CEP63: variants seen among roughly 807,000 people sequenced by gnomAD.
CEP63 encodes the protein centrosomal protein of 63 kDa.
Under a neutral mutation model 89.1 loss-of-function variants are expected in CEP63, and 84 were observed. That is an observed-to-expected ratio of 0.94 (90% CI 0.79 to 1.13). The LOEUF is 1.13. Among genes scored for constraint, CEP63 ranks in the 50% most tolerant of loss-of-function variants. CEP63 has a pLI of 0.00. For missense variants in CEP63, 838 were observed against 813.3 expected (o/e 1.03, Z -0.37); for synonymous variants, 267 against 272.5 (o/e 0.98, Z 0.20).
intron 6 of CEP63, among the ~76,000 whole-genome samples, chr3:134,544,633 A>G (rs1160069095): frequency 3.9e-5 from 3 of 76,118 alleles, no homozygotes; most frequent in East Asian, 6.7e-4. Flanking sequence ...AACATGCTCT[A>G]GGTGGGGGGG....
the CEP63 span, among the ~76,000 whole-genome samples, chr3:134,680,262 T>C: frequency 2.4e-4 from 36 of 152,336 alleles, 1 homozygote; most frequent in African/African-American, 7.9e-4. Context: ...AGCAAACTCA[T>C]ACACACATAC....
the CEP63 span, among the ~76,000 whole-genome samples, chr3:134,625,681 G>A: frequency 1.3e-5 from 2 of 152,254 alleles, no homozygotes; most frequent in African/African-American, 4.8e-5. Context: ...AGGGCGAGGT[G>A]CGTTTGGCAC....
downstream of CEP63, among the ~76,000 whole-genome samples, chr3:134,568,776 A>G (rs1381831130): frequency 6.6e-6 from 1 of 152,232 alleles, no homozygotes; most frequent in Non-Finnish European, 1.5e-5. Flanking sequence ...CATTCCTTAA[A>G]TCCACATTTC....
intron 6 of CEP63, among the ~76,000 whole-genome samples, chr3:134,541,942 T>C (rs930585167): frequency 1.3e-5 from 2 of 152,160 alleles, no homozygotes; most frequent in African/African-American, 2.4e-5. Context: ...TTATATAGTA[T>C]AGGAAAAGGA....
the CEP63 span, among the ~76,000 whole-genome samples, chr3:134,692,632 A>G: frequency 1.3e-5 from 2 of 152,358 alleles, no homozygotes; most frequent in South Asian, 4.1e-4. Flanking sequence ...AAGTAGTCTA[A>G]CATCACAGGT....
the CEP63 span, among the ~76,000 whole-genome samples, chr3:134,595,998 G>A: frequency 4.0e-4 from 51 of 127,756 alleles, no homozygotes; most frequent in African/African-American, 1.4e-3. Context: ...GCTCTTTCCC[G>A]AGAAAACAGG....
At chr3:134,627,674 G>C in the CEP63 span, 5 of 1,269,636 alleles carry the variant, frequency 3.9e-6, no homozygotes, top group Non-Finnish European at 5.7e-6. Flanking sequence ...GGCCCAGGAA[G>C]CAACTGTCAA....
Position 134,486,092 on chromosome 3 carries a change from G to C in CEP63, c.-136G>C. 1 of 985,500 alleles carries C rather than the reference G, an allele frequency of 1.0e-6. No homozygotes were observed. The highest frequency in any genetic ancestry group is 4.7e-5 in the South Asian group (1 of 21,288). 61.0% of individuals were successfully genotyped at this position (985,500 alleles called of 1,614,324 possible). ...TCGCGTGCAGGGGAAGTCTGGAGAA[G>C]GCATTGTTTCAATTATTAAAAGTGT... On this transcript the variant is annotated 5_prime_UTR_variant, in exon 1 of 15. Transcript: ENST00000675561.
At chr3:134,750,443 T>C in the CEP63 span, among the ~76,000 whole-genome samples, 11 of 152,198 alleles carry the variant, frequency 7.2e-5, no homozygotes, top group Non-Finnish European at 1.6e-4. Flanking sequence ...CCTCCATCTC[T>C]CTCAGCAGCT....
the CEP63 span, among the ~76,000 whole-genome samples, chr3:134,746,365 A>T: frequency 6.6e-6 from 1 of 152,198 alleles, no homozygotes; most frequent in Non-Finnish European, 1.5e-5. Flanking sequence ...TATTGTGAAT[A>T]GTGCTGCAAT....
At chr3:134,631,423 G>A in the CEP63 span, among the ~76,000 whole-genome samples, 2 of 152,016 alleles carry the variant, frequency 1.3e-5, no homozygotes, top group Non-Finnish European at 2.9e-5. Flanking sequence ...TTATACCAGA[G>A]GAAAACTTGG....
At chr3:134,698,385 A>G in the CEP63 span, among the ~76,000 whole-genome samples, 1 of 152,218 alleles carries the variant, frequency 6.6e-6, no homozygotes, top group Non-Finnish European at 1.5e-5. Flanking sequence ...CAGATAGGCT[A>G]GATTCTCTGG....
the CEP63 span, among the ~76,000 whole-genome samples, chr3:134,699,877 G>A: frequency 6.6e-6 from 1 of 152,224 alleles, no homozygotes; most frequent in Non-Finnish European, 1.5e-5. Flanking sequence ...CCTCCCTGGT[G>A]AACCCCATGC....
chr3:134,606,921 C>T, the CEP63 span: 2 of 985,278 alleles, frequency 2.0e-6, no homozygotes, highest in Non-Finnish European at 2.4e-6. Context: ...CTGCTCATCT[C>T]AGTTTCCCTA....
intron 13 of CEP63, 64 bp downstream of exon 13, chr3:134,558,411 G>C (rs1301127116): frequency 3.2e-5 from 37 of 1,149,532 alleles, no homozygotes; most frequent in Non-Finnish European, 4.5e-5. Context: ...ATTTCTTTGA[G>C]AATAATTTTT....
intron 3 of CEP63, chr3:134,510,715 G>C (rs575708181): frequency 5.0e-5 from 26 of 521,228 alleles, no homozygotes; most frequent in Non-Finnish European, 9.6e-5. Flanking sequence ...CCAACCATCT[G>C]TATCTGCAGG....
the CEP63 span, among the ~76,000 whole-genome samples, chr3:134,638,497 C>T: frequency 3.3e-5 from 5 of 152,170 alleles, no homozygotes; most frequent in East Asian, 9.7e-4. Context: ...CTCATGCATC[C>T]CTCCCCAGCT....
the CEP63 span, among the ~76,000 whole-genome samples, chr3:134,727,531 G>A: frequency 3.9e-5 from 6 of 152,150 alleles, no homozygotes; most frequent in African/African-American, 1.2e-4. Context: ...GTGGGCTGAA[G>A]AAGGATAAAG....
chr3:134,703,822 A>G, the CEP63 span, among the ~76,000 whole-genome samples: 2 of 152,196 alleles, frequency 1.3e-5, no homozygotes, highest in South Asian at 2.1e-4. Flanking sequence ...AAAAATATAT[A>G]TATTTTAAAT....
Sources: allele counts gnomAD v4.1 joint callset (sites outside exome capture counted in the v4.1 genomes callset), GRCh38; gene constraint gnomAD v4.1.1; transcripts MANE v1.5; gene names NCBI Gene and HGNC (gene_info 2026-07-23, HGNC 2026-07-21).